The following GDPD1 variants were observed in gnomAD, a reference collection of about 807,000 sequenced individuals.
The protein encoded by GDPD1 is lysophospholipase D GDPD1.
GDPD1 carries 28 observed loss-of-function variants against 45.1 expected under a neutral mutation model. That is an observed-to-expected ratio of 0.62 (90% CI 0.46 to 0.85). The LOEUF (loss-of-function observed/expected upper bound fraction) is 0.85. Among genes scored for constraint, GDPD1 ranks in the 40% least tolerant of loss-of-function variants. The pLI is 0.00. For synonymous variants in GDPD1, 139 were observed against 131.4 expected (o/e 1.06, Z -0.40); for missense variants, 256 against 364.8 (o/e 0.70, Z 2.43).
intron 4 of GDPD1, among the ~76,000 whole-genome samples, chr17:59,252,410 T>G (rs1023191969): frequency 6.6e-6 from 1 of 151,708 alleles, no homozygotes; most frequent in Admixed American, 6.6e-5. Flanking sequence ...AGCTAATTTT[T>G]GTATTTTTAG....
intron 3 of GDPD1, among the ~76,000 whole-genome samples, chr17:59,246,601 C>T (rs1333933077): frequency 7.0e-6 from 1 of 142,782 alleles, no homozygotes; most frequent in Non-Finnish European, 1.5e-5. Context: ...CCCAGCTATT[C>T]AGGAGGCTGA....
At chr17:59,246,696 C>A (rs1328880977) in intron 3 of GDPD1, among the ~76,000 whole-genome samples, 3 of 90,150 alleles carry the variant, frequency 3.3e-5, no homozygotes, top group Admixed American at 1.7e-4. Context: ...TTGAAAAGAG[C>A]GAGACTCCAT....
chr17:59,230,468 C>T (rs1000177400), intron 1 of GDPD1, among the ~76,000 whole-genome samples: 17 of 147,734 alleles, frequency 1.2e-4, no homozygotes, highest in South Asian at 2.1e-4. Flanking sequence ...CTGCAACCTC[C>T]GCCTCCCGGG....
In GDPD1 at chr17:59,260,060, CAAAAAAAAAAAAAAAAAAAAAAAAA is replaced by C. The variant is rs56936442; in HGVS notation, c.576+2236_576+2260del. Among the ~76,000 whole-genome samples the C allele has an allele frequency of 1.9e-4, 5 of 25,852 alleles. 1 individual carries two copies. The highest frequency in any genetic ancestry group is 7.9e-4 in the Admixed American group (1 of 1,268). 17.0% of individuals were successfully genotyped at this position (25,852 alleles called of 152,430 possible). A position where few individuals can be genotyped will look rare whatever the true frequency, so the allele number is the denominator to read the frequency against. On this transcript the variant is annotated intron_variant, in intron 6 of 9. Transcript: ENST00000284116. ...TGGGTGACGGAGCCAGACCCTGTCT[CAAAAAAAAAAAAAAAAAAAAAAAAA>C]AAAAAAAAAAAAAAATCCTATTATC...
chr17:59,222,915 A>T (rs1023976597), intron 1 of GDPD1, among the ~76,000 whole-genome samples: 4 of 152,198 alleles, frequency 2.6e-5, no homozygotes, highest in African/African-American at 9.6e-5. Flanking sequence ...TGCTTACTAA[A>T]AACTCCAAAA....
intron 1 of GDPD1, among the ~76,000 whole-genome samples, chr17:59,221,445 CAATA>C (rs71145536): frequency 0.44 from 59,459 of 135,008 alleles, 13,328 homozygotes; most frequent in Non-Finnish European, 0.5. Flanking sequence ...TTGAACACTG[CAATA>C]AATAAATAAA....
intron 4 of GDPD1, 25 bp from the exon 5 acceptor site, chr17:59,257,097 A>G: frequency 8.5e-7 from 1 of 1,172,892 alleles, no homozygotes; most frequent in Non-Finnish European, 1.2e-6. Flanking sequence ...TTTAAAAAAT[A>G]CATTTAAAAA....
At chr17:59,240,000 T>C (rs567098608) in intron 2 of GDPD1, among the ~76,000 whole-genome samples, 37 of 152,118 alleles carry the variant, frequency 2.4e-4, no homozygotes, top group African/African-American at 8.4e-4. Context: ...GCACCTTTAA[T>C]TTTACACTTT....
At chr17:59,228,500 G>C (rs573006053) in intron 1 of GDPD1, among the ~76,000 whole-genome samples, 1 of 152,162 alleles carries the variant, frequency 6.6e-6, no homozygotes, top group Non-Finnish European at 1.5e-5. Flanking sequence ...ACAGAGGAGA[G>C]ACTGTTTAAC....
chr17:59,260,209 C>T (rs1053462046), intron 6 of GDPD1, among the ~76,000 whole-genome samples: 13 of 148,810 alleles, frequency 8.7e-5, no homozygotes, highest in Non-Finnish European at 1.3e-4. Context: ...GATATAAAAG[C>T]AGGACCATCT....
intron 6 of GDPD1, chr17:59,260,781 T>G (rs1284065576): frequency 6.6e-6 from 1 of 152,172 alleles, no homozygotes; most frequent in Non-Finnish European, 1.5e-5. Context: ...TTACAATTAA[T>G]TGATTACAAC....
chr17:59,243,146 G>A (rs964871873), intron 2 of GDPD1, among the ~76,000 whole-genome samples: 4 of 151,994 alleles, frequency 2.6e-5, no homozygotes, highest in African/African-American at 7.3e-5. Context: ...CCAAGATCAC[G>A]CCACTGCACT....
At position 59,257,809 on chromosome 17, in the gene GDPD1, A is replaced by G. The variant is rs974419941; in HGVS notation, c.545A>G (p.Asn182Ser). 1 of 1,604,258 alleles carries G rather than the reference A, an allele frequency of 6.2e-7. No individual in the cohort carries two copies. The part of the protein sequence containing the change: ...REHLTVWGNA[N>S]YEIVEKCYKE... ...CACTTAACAGTGTGGGGTAATGCCAATTATGAAATTGTAGAAAAGTGCTAC... is the reference window on the plus strand; with the variant it reads ...CACTTAACAGTGTGGGGTAATGCCAGTTATGAAATTGTAGAAAAGTGCTAC... The change falls in exon 6 of 10, where the codon AAT becomes AGT. Residue 182 changes from asparagine (N) to serine (S), a missense_variant. Coordinates refer to ENST00000284116, the MANE Select transcript of GDPD1 (RefSeq NM_182569.4).
rs148290195 is a variant in GDPD1 at position 59,265,211 on chromosome 17, G to T, written c.577-1830G>T. ...AATATATATTATGTTTTTATTAAAA[G>T]TTCACTGTAAGCATAATTTTTTTTT... On this transcript the variant is annotated intron_variant, in intron 6 of 9. Transcript: ENST00000284116. 1.8e-3 allele frequency among the ~76,000 whole-genome samples: 270 copies of T among 151,898 alleles called. 6 individuals carry two copies. In the East Asian group the frequency reaches 0.046, roughly 26 times the overall value.
At chr17:59,227,836 TCTTAA>T (rs1243530673) in intron 1 of GDPD1, among the ~76,000 whole-genome samples, 1 of 152,152 alleles carries the variant, frequency 6.6e-6, no homozygotes, top group African/African-American at 2.4e-5. Context: ...GTAAAATACA[TCTTAA>T]CTTCAGAGAT....
intron 4 of GDPD1, among the ~76,000 whole-genome samples, chr17:59,251,058 T>C (rs2047249525): frequency 6.6e-6 from 1 of 152,184 alleles, no homozygotes; most frequent in Non-Finnish European, 1.5e-5. Flanking sequence ...TCTTCTGTTA[T>C]AGACAAGGAA....
intron 8 of GDPD1, among the ~76,000 whole-genome samples, chr17:59,271,940 G>A (rs1028277563): frequency 8.6e-5 from 13 of 151,890 alleles, no homozygotes; most frequent in Admixed American, 2.0e-4. Context: ...CAGCCTTAAC[G>A]CCTTTTTCAA....
Position 59,274,186 on chromosome 17 carries a change from A to G in GDPD1, c.*413A>G, listed in dbSNP as rs2047463684. ...TCTGTAGATGATGCAGTGTTCTATC[A>G]TAAGTAATTCTGGAATCAAAGACTA... On this transcript the variant is annotated 3_prime_UTR_variant, in exon 10 of 10. Coordinates refer to ENST00000284116, the MANE Select transcript of GDPD1 (RefSeq NM_182569.4). The G allele has an allele frequency of 1.1e-5, 11 of 976,480 alleles. No individual in the cohort carries two copies. The highest frequency in any genetic ancestry group is 1.3e-5 in the Non-Finnish European group (11 of 822,608). 60.5% of individuals were successfully genotyped at this position (976,480 alleles called of 1,614,324 possible). A position where few individuals can be genotyped will look rare whatever the true frequency, so the allele number is the denominator to read the frequency against.
At chr17:59,230,265 A>G (rs1418086714) in intron 1 of GDPD1, among the ~76,000 whole-genome samples, 1 of 152,128 alleles carries the variant, frequency 6.6e-6, no homozygotes, top group Non-Finnish European at 1.5e-5. Flanking sequence ...AGTGATGAAC[A>G]GAAGTTAATT....
Sources: allele counts gnomAD v4.1 joint callset (sites outside exome capture counted in the v4.1 genomes callset), GRCh38; gene constraint gnomAD v4.1.1; transcripts MANE v1.5; gene names NCBI Gene and HGNC (gene_info 2026-07-23, HGNC 2026-07-21).